ITGA5: variants seen among roughly 807,000 people sequenced by gnomAD.
ITGA5 encodes integrin subunit alpha 5.
Under a neutral mutation model 146.3 loss-of-function variants are expected in ITGA5, and 55 were observed. That is an observed-to-expected ratio of 0.38 (90% CI 0.30 to 0.47). ITGA5 has a LOEUF of 0.47. Among genes scored for constraint, ITGA5 ranks in the 20% least tolerant of loss-of-function variants. ITGA5 has a pLI of 0.99. For synonymous variants in ITGA5, 500 were observed against 531.8 expected (o/e 0.94, Z 0.82); for missense variants, 1,131 against 1,329.0 (o/e 0.85, Z 2.32).
chr12:54,416,850 C>T lies in ITGA5; in HGVS notation c.218+2131G>A, dbSNP rs148057480. 4.4e-3 allele frequency among the ~76,000 whole-genome samples: 669 copies of T among 152,312 alleles called. 2 individuals carry two copies. Among genetic ancestry groups the T allele is most frequent in the African/African-American group, 0.015 (633 of 41,562 alleles). On this transcript the variant is annotated intron_variant, in intron 1 of 29. Coordinates refer to ENST00000293379, the MANE Select transcript of ITGA5 (RefSeq NM_002205.5). This position sits in a 1 kb window ranked among gnomAD's most constrained non-coding sequence, Gnocchi z 4.1. ...CCTACCATCTAACTGCTTTGGTGCT[C>T]GCCCTGTCCTTTAATACTATTTTGG... is the stretch of plus-strand genomic sequence containing the variant.
At position 54,403,069 on chromosome 12, in the gene ITGA5, T is replaced by G. The variant is rs776200854; in HGVS notation, c.1915-19A>C. On this transcript the variant is annotated intron_variant, in intron 18 of 29. Transcript: ENST00000293379. This position sits in a 1 kb window ranked among gnomAD's most constrained non-coding sequence, Gnocchi z 4.9. ...TCTGAGCCTGGGGAGCAGGGCAGCC[T>G]TGAGAGGGGAAGTTTAGACCCATTC... 2 of 1,613,902 alleles carry G rather than the reference T, an allele frequency of 1.2e-6. No homozygotes were observed. The highest frequency in any genetic ancestry group is 2.7e-5 in the African/African-American group (2 of 74,894).
In ITGA5 at chr12:54,402,347, G is replaced by A. The variant is rs1955797834; in HGVS notation, c.1983-17C>T. 1 of 1,598,022 alleles carries A rather than the reference G, an allele frequency of 6.3e-7. No homozygotes were observed. On this transcript the variant is annotated splice_polypyrimidine_tract_variant and intron_variant, in intron 19 of 29. Coordinates refer to ENST00000293379, the MANE Select transcript of ITGA5 (RefSeq NM_002205.5). ...TTCTGCTCCCTGGAAGGGACACAGA[G>A]GGTAAGGGACATTGGTGAATTAATC...
chr12:54,395,832 C>G lies in ITGA5; in HGVS notation c.*461G>C, dbSNP rs1955700790. 1 of 165,402 alleles carries G rather than the reference C, an allele frequency of 6.0e-6. No homozygotes were observed. Among genetic ancestry groups the G allele is most frequent in the Admixed American group, 5.8e-5 (1 of 17,332 alleles). 10.2% of individuals were successfully genotyped at this position (165,402 alleles called of 1,614,324 possible). ...GTGGGGCTGTCCAGAGCTGCCAGGTCTTAACTCCCCAAGTTCCAGGTTCTT... is the reference window on the plus strand; with the variant it reads ...GTGGGGCTGTCCAGAGCTGCCAGGTGTTAACTCCCCAAGTTCCAGGTTCTT... On this transcript the variant is annotated 3_prime_UTR_variant, in exon 30 of 30. Coordinates refer to ENST00000293379, the MANE Select transcript of ITGA5 (RefSeq NM_002205.5).
chr12:54,410,421 C>T (rs1352784540), intron 2 of ITGA5, among the ~76,000 whole-genome samples: 1 of 150,174 alleles, frequency 6.7e-6, no homozygotes, highest in Non-Finnish European at 1.5e-5. Context: ...TTATGGCTCA[C>T]TGCAACCTTG....
In ITGA5 at chr12:54,401,035, A is replaced by C. The variant is rs770748401; in HGVS notation, c.2494-40T>G. 8.8e-6 allele frequency: 14 copies of C among 1,595,266 alleles called. No individual in the cohort carries two copies. In the Admixed American group the frequency reaches 2.4e-4, roughly 27 times the overall value. On this transcript the variant is annotated intron_variant, in intron 24 of 29. Transcript: ENST00000293379. This position sits in a 1 kb window ranked among gnomAD's most constrained non-coding sequence, Gnocchi z 5.0. Reference sequence around the variant, plus strand: ...GCACAATCATCATGAGAAGGAAGGGAATGCTTCTGCCCCATTGAGACCCTG... The same window carrying C: ...GCACAATCATCATGAGAAGGAAGGGCATGCTTCTGCCCCATTGAGACCCTG...
chr12:54,410,913 G>T (rs1458855136), intron 2 of ITGA5, among the ~76,000 whole-genome samples: 2 of 152,146 alleles, frequency 1.3e-5, no homozygotes. Flanking sequence ...TTTCAGTAGA[G>T]ACGGGGTTTT....
chr12:54,400,765 C>A, intron 25 of ITGA5, 81 bp downstream of exon 25: 1 of 1,414,378 alleles, frequency 7.1e-7, no homozygotes, highest in Non-Finnish European at 9.7e-7. Flanking sequence ...CTCTTGCAGG[C>A]CCCCAGCAAC....
Position 54,403,608 on chromosome 12 carries a change from C to T in ITGA5, c.1776+17G>A, listed in dbSNP as rs200403748. On this transcript the variant is annotated intron_variant, in intron 17 of 29. Coordinates refer to ENST00000293379, the MANE Select transcript of ITGA5 (RefSeq NM_002205.5). This position sits in a 1 kb window ranked among gnomAD's most constrained non-coding sequence, Gnocchi z 4.9. The stretch of plus-strand genomic sequence containing the variant: ...CACCCTCCCTGGCCAGTCCACACCC[C>T]GCCCTCTGGGCCATACCCTGAGGTA... 510 of 1,609,194 alleles carry T rather than the reference C, an allele frequency of 3.2e-4. No homozygotes were observed. Among genetic ancestry groups the T allele is most frequent in the Non-Finnish European group, 3.9e-4 (458 of 1,177,308 alleles).
chr12:54,418,877 T>G, intron 1 of ITGA5, 104 bp downstream of exon 1: 1 of 1,345,348 alleles, frequency 7.4e-7, no homozygotes, highest in Non-Finnish European at 1.0e-6. Flanking sequence ...CCTTACAAAC[T>G]CCACCCTCAA....
chr12:54,419,141 G>T lies in ITGA5; in HGVS notation c.58C>A (p.Arg20=). 6.3e-7 allele frequency: 1 copy of T among 1,582,562 alleles called. No individual in the cohort carries two copies. The highest frequency in any genetic ancestry group is 8.6e-7 in the Non-Finnish European group (1 of 1,167,702). ...AGCGGCAGCAGCGGGGGTCGGCGCCGGGGGCCCCAGCGCAGCTGCACGGCG... is the reference window on the plus strand; with the variant it reads ...AGCGGCAGCAGCGGGGGTCGGCGCCTGGGGCCCCAGCGCAGCTGCACGGCG... The part of the protein sequence containing the change: ...LHAVQLRWGP[R]RRPPLLPLLL... Residue 20 remains arginine (R), a synonymous_variant, in exon 1 of 30, where the codon CGG becomes AGG. Coordinates refer to ENST00000293379, the MANE Select transcript of ITGA5 (RefSeq NM_002205.5).
At position 54,409,044 on chromosome 12, in the gene ITGA5, G is replaced by C. The variant is rs964714627; in HGVS notation, c.584-90C>G. 12 of 1,460,132 alleles carry C rather than the reference G, an allele frequency of 8.2e-6. No homozygotes were observed. In the African/African-American group the frequency reaches 1.7e-4, roughly 20 times the overall value. The allele number at this position is 1,460,132 out of a possible 1,614,324, so 90.4% of individuals were successfully genotyped here. A position where few individuals can be genotyped will look rare whatever the true frequency, so the allele number is the denominator to read the frequency against. On this transcript the variant is annotated intron_variant, in intron 4 of 29. Coordinates refer to ENST00000293379, the MANE Select transcript of ITGA5 (RefSeq NM_002205.5). This position sits in a 1 kb window ranked among gnomAD's most constrained non-coding sequence, Gnocchi z 4.7. Reference sequence around the variant, plus strand: ...GGCATAGGGAAGGAGGTGGGAGAGAGAACCAGAGAAAGGGCCTTCCTGGAC... The same window carrying C: ...GGCATAGGGAAGGAGGTGGGAGAGACAACCAGAGAAAGGGCCTTCCTGGAC...
intron 1 of ITGA5, among the ~76,000 whole-genome samples, chr12:54,415,447 G>A (rs1281164780): frequency 6.6e-6 from 1 of 152,162 alleles, no homozygotes; most frequent in East Asian, 1.9e-4. Flanking sequence ...GTTCAAAGCT[G>A]CTCACCTCGT....
Position 54,411,859 on chromosome 12 carries a change from G to A in ITGA5, c.324C>T (p.Cys108=). Residue 108 remains cysteine (C), a synonymous_variant, in exon 2 of 30, where the codon TGC becomes TGT. Transcript: ENST00000293379. The stretch of plus-strand genomic sequence containing the variant: ...CTTTGCTGTCAAATTCAATGGGGGT[G>A]CACTGTGTGGGGCTGGCACCCCAAG... ...LCPWGASPTQ[C]TPIEFDSKGS... The A allele has an allele frequency of 6.4e-7, 1 of 1,571,486 alleles. No homozygotes were observed.
chr12:54,407,663 G>C lies in ITGA5; in HGVS notation c.892C>G (p.Leu298Val). 6.2e-7 allele frequency: 1 copy of C among 1,613,630 alleles called. No individual in the cohort carries two copies. Among genetic ancestry groups the C allele is most frequent in the South Asian group, 1.1e-5 (1 of 91,038 alleles). ...DFVAGVPKGN[L>V]TYGYVTILNG... is the part of the protein sequence containing the mutation. Reference sequence around the variant, plus strand: ...CTGGGTCTTACATAGCCGTAAGTGAGGTTCCCTTTGGGCACACCAGCAACA... The same window carrying C: ...CTGGGTCTTACATAGCCGTAAGTGACGTTCCCTTTGGGCACACCAGCAACA... Residue 298 changes from leucine (L) to valine (V), a missense_variant, in exon 9 of 30, where the codon CTC becomes GTC. This residue lies in a region of ITGA5 where 889 missense variants were observed against 1,021.5 expected (regional missense o/e 0.87). Transcript: ENST00000293379.
rs376343541 is a variant in ITGA5, at chr12:54,409,478, C to T, written c.462+7G>A. The T allele has an allele frequency of 4.4e-4, 704 of 1,610,284 alleles. 3 individuals carry two copies. The highest frequency in any genetic ancestry group is 4.3e-3 in the East Asian group (193 of 44,864). On this transcript the variant is annotated splice_region_variant and intron_variant, in intron 3 of 29. Coordinates refer to ENST00000293379, the MANE Select transcript of ITGA5 (RefSeq NM_002205.5). The surrounding 1 kb of genome is among the most constrained non-coding windows in gnomAD (Gnocchi z 4.7). ...CCACCACACCACTGAGCTTGCTGGC[C>T]CCTCACCAAGATGGAGGAGCCATGG... is the stretch of plus-strand genomic sequence containing the variant.
chr12:54,398,833 CT>C, intron 27 of ITGA5, 135 bp from the exon 28 acceptor site: 1 of 390,652 alleles, frequency 2.6e-6, no homozygotes, highest in Non-Finnish European at 4.4e-6. Flanking sequence ...CTCTCTCTCT[CT>C]CTTTTTTTTT....
chr12:54,412,016 G>C, intron 1 of ITGA5, 52 bp from the exon 2 acceptor site: 1 of 1,471,650 alleles, frequency 6.8e-7, no homozygotes, highest in Non-Finnish European at 9.1e-7. Context: ...CTTTTCATTG[G>C]TGTCTGGAGG....
Position 54,396,209 on chromosome 12 carries a change from A to G in ITGA5, c.*84T>C, listed in dbSNP as rs2120450683. ...TTCTCCCTGGCCGTCAGCACCTTCA[A>G]GAAGTACCCAGACCCCTCCTTTTCA... On this transcript the variant is annotated 3_prime_UTR_variant, in exon 30 of 30. Transcript: ENST00000293379. 4 of 1,138,202 alleles carry G rather than the reference A, an allele frequency of 3.5e-6. No homozygotes were observed. In the South Asian group the frequency reaches 3.8e-5, roughly 11 times the overall value. The allele number at this position is 1,138,202 out of a possible 1,614,324, so 70.5% of individuals were successfully genotyped here. A position where few individuals can be genotyped will look rare whatever the true frequency, so the allele number is the denominator to read the frequency against.
chr12:54,418,945 C>A (rs201100268), intron 1 of ITGA5, 36 bp downstream of exon 1: 1 of 1,607,618 alleles, frequency 6.2e-7, no homozygotes, highest in East Asian at 2.2e-5. Context: ...AGGCGGCTCC[C>A]CCACCCCCAT....
Sources: gnomAD v4.1 joint callset for allele counts (sites outside exome capture counted in the v4.1 genomes callset) on GRCh38, gnomAD v4.1.1 for gene constraint, gnomAD v4.1.1 regional missense constraint, Gnocchi (gnomAD v3.1) non-coding constraint, MANE v1.5 for transcripts, NCBI Gene and HGNC (gene_info 2026-07-23, HGNC 2026-07-21) for gene names.